ANO1: variants seen among roughly 807,000 people sequenced by gnomAD.
The protein encoded by ANO1 is anoctamin 1.
ANO1 carries 59 observed loss-of-function variants against 124.0 expected under a neutral mutation model. The observed-to-expected ratio is 0.48, with a 90% CI of 0.39 to 0.59. The LOEUF is 0.59. ANO1 is among the 20% of genes least tolerant of loss of function. The probability of loss-of-function intolerance (pLI) is 0.00; values close to 1 mark genes in which losing one functional copy is unlikely to be tolerated. For synonymous variants in ANO1, 529 were observed against 532.0 expected (o/e 0.99, Z 0.08); for missense variants, 1,059 against 1,328.0 (o/e 0.80, Z 3.15).
At chr11:69,985,349 G>A (rs1000544246), upstream of ANO1, among the ~76,000 whole-genome samples, 1 of 134,692 alleles carries the variant, frequency 7.4e-6, no homozygotes, top group Admixed American at 7.6e-5. Context: ...GGAGGGGAGG[G>A]GGGTGGGCAG....
At position 70,033,828 on chromosome 11, in the gene ANO1, G is replaced by C. The variant is rs543464784; in HGVS notation, c.59-44714G>C. ...AGTCATTGCCAAGAGGCCAATACAG[G>C]TTCGCTTCGTGGGTATGTGACCTGT... On this transcript the variant is annotated intron_variant, in intron 1 of 27. Transcript: ENST00000531349. 5.5e-4 allele frequency among the ~76,000 whole-genome samples: 84 copies of C among 152,296 alleles called. 2 individuals are homozygous for C. The South Asian group carries it at 0.016, about 29-fold the overall frequency.
At chr11:70,159,748 G>A (rs530006531) in intron 16 of ANO1, among the ~76,000 whole-genome samples, 34 of 152,332 alleles carry the variant, frequency 2.2e-4, no homozygotes, top group African/African-American at 5.5e-4. Flanking sequence ...CAGGCCTGGC[G>A]CTCCAGCTGC....
At chr11:70,002,228 A>C (rs539853071) in intron 1 of ANO1, among the ~76,000 whole-genome samples, 1 of 152,094 alleles carries the variant, frequency 6.6e-6, no homozygotes, top group African/African-American at 2.4e-5. Context: ...AGGCAGGTGG[A>C]TCATGAGGTC....
Position 70,170,992 on chromosome 11 carries a change from T to G in ANO1, c.2303T>G (p.Phe768Cys). The G allele has an allele frequency of 6.2e-7, 1 of 1,612,980 alleles. No individual in the cohort carries two copies. Among genetic ancestry groups the G allele is most frequent in the Middle Eastern group, 1.6e-4 (1 of 6,062 alleles). ...GAGATCCGCCTGGACGCCAAAAAGT[T>G]TGTCACTGAGCTCCGAAGGCCGGTA... Reference protein sequence around the residue: ...IIEIRLDAKKFVTELRRPVAV... With the variant: ...IIEIRLDAKKCVTELRRPVAV... Residue 768 changes from phenylalanine to cysteine, a missense_variant, in exon 22 of 26, where the codon TTT becomes TGT. Physicochemically the swap from Phe to Cys is radical, Grantham distance 205 (BLOSUM62 -2). Coordinates refer to ENST00000355303, the MANE Select transcript of ANO1 (RefSeq NM_018043.7).
chr11:70,125,705 G>A (rs570182023), intron 9 of ANO1, among the ~76,000 whole-genome samples: 9 of 151,368 alleles, frequency 5.9e-5, no homozygotes, highest in East Asian at 5.9e-4. Context: ...TTAGCCGGGC[G>A]TGGTGGCGGG....
At chr11:70,102,801 G>A (rs573090172) in intron 2 of ANO1, among the ~76,000 whole-genome samples, 1 of 152,154 alleles carries the variant, frequency 6.6e-6, no homozygotes, top group Admixed American at 6.5e-5. Context: ...ATACCCACCG[G>A]GGATCCTCCT....
chr11:70,070,836 G>A (rs1555009214), intron 1 of ANO1, among the ~76,000 whole-genome samples: 1 of 152,212 alleles, frequency 6.6e-6, no homozygotes, highest in African/African-American at 2.4e-5. Flanking sequence ...CAGGGGAAGG[G>A]GCCTGAGCAT....
At chr11:70,179,697 A>T (rs2048861950) in intron 22 of ANO1, among the ~76,000 whole-genome samples, 1 of 152,230 alleles carries the variant, frequency 6.6e-6, no homozygotes, top group Non-Finnish European at 1.5e-5. Context: ...AAAAGGTTTC[A>T]TCTAAGCGAA....
chr11:70,094,632 G>T (rs2044768996), intron 2 of ANO1, among the ~76,000 whole-genome samples: 1 of 152,150 alleles, frequency 6.6e-6, no homozygotes, highest in South Asian at 2.1e-4. Context: ...TTTGAACCTG[G>T]CCCCTAACCT....
At chr11:69,967,773 T>G in the ANO1 span, among the ~76,000 whole-genome samples, 1 of 152,202 alleles carries the variant, frequency 6.6e-6, no homozygotes, top group African/African-American at 2.4e-5. Context: ...GATGTCCCTC[T>G]GCAGAGTCTT....
At chr11:70,173,402 T>C (rs2048550719) in intron 22 of ANO1, among the ~76,000 whole-genome samples, 1 of 152,170 alleles carries the variant, frequency 6.6e-6, no homozygotes, top group South Asian at 2.1e-4. Context: ...AGACACTCTA[T>C]ACTAAACTGC....
intron 11 of ANO1, among the ~76,000 whole-genome samples, chr11:70,149,105 G>T (rs1480884074): frequency 6.6e-6 from 1 of 152,158 alleles, no homozygotes; most frequent in Non-Finnish European, 1.5e-5. Flanking sequence ...CCTGACCTCC[G>T]AACCGGGGCC....
At chr11:70,184,617 C>T (rs1002522445) in intron 24 of ANO1, among the ~76,000 whole-genome samples, 9 of 152,208 alleles carry the variant, frequency 5.9e-5, no homozygotes, top group Admixed American at 2.6e-4. Context: ...CGGGCCAGGC[C>T]GGCTGCCTGA....
the ANO1 span, among the ~76,000 whole-genome samples, chr11:69,973,523 T>TC: frequency 6.6e-6 from 1 of 151,554 alleles, no homozygotes; most frequent in Non-Finnish European, 1.5e-5. Context: ...TTATCCTTGC[T>TC]AGGCGGTGCG....
intron 1 of ANO1, among the ~76,000 whole-genome samples, chr11:70,063,024 G>A (rs1218570977): frequency 1.3e-5 from 2 of 152,048 alleles, no homozygotes; most frequent in Non-Finnish European, 2.9e-5. Context: ...CTGCCTCCCG[G>A]GTTCAAGCGA....
At chr11:70,167,221 G>A (rs773439444) in intron 20 of ANO1, 21 bp from the exon 21 acceptor site, 2 of 1,613,374 alleles carry the variant, frequency 1.2e-6, no homozygotes, top group South Asian at 1.1e-5. Flanking sequence ...AAACCTAACT[G>A]CATGATGTCT....
At chr11:70,098,411 T>C (rs1469871478) in intron 2 of ANO1, among the ~76,000 whole-genome samples, 1 of 152,200 alleles carries the variant, frequency 6.6e-6, no homozygotes, top group Non-Finnish European at 1.5e-5. Context: ...CCTGGCCTGC[T>C]GTGCACGGCA....
At chr11:70,022,472 GC>G (rs201107522) in intron 1 of ANO1, among the ~76,000 whole-genome samples, 1,645 of 152,200 alleles carry the variant, frequency 0.011, 12 homozygotes, top group Non-Finnish European at 0.014. Context: ...GGTGGCAGGT[GC>G]CTCTAGTCCC....
chr11:70,141,067 G>A (rs138349589), intron 11 of ANO1, among the ~76,000 whole-genome samples: 1 of 152,042 alleles, frequency 6.6e-6, no homozygotes, highest in Non-Finnish European at 1.5e-5. Flanking sequence ...TGCGCACCCC[G>A]GCCCATCTGC....
Sources: gnomAD v4.1 joint callset for allele counts (sites outside exome capture counted in the v4.1 genomes callset) on GRCh38, gnomAD v4.1.1 for gene constraint, MANE v1.5 for transcripts, NCBI Gene and HGNC (gene_info 2026-07-23, HGNC 2026-07-21) for gene names.